Variants in RCSD1 observed in about 807,000 individuals in gnomAD.
The protein encoded by RCSD1 is RCSD domain containing 1, also known as capZ-interacting protein.
Under a neutral mutation model 42.5 loss-of-function variants are expected in RCSD1, and 26 were observed. The ratio of observed to expected loss-of-function variants is 0.61; its 90% CI spans 0.45 to 0.85. The LOEUF is 0.85. Among genes scored for constraint, RCSD1 ranks in the 40% least tolerant of loss-of-function variants. The pLI, the probability that RCSD1 is intolerant of heterozygous loss-of-function variation, is 0.00. For missense variants in RCSD1, 571 were observed against 528.3 expected (o/e 1.08, Z -0.79); for synonymous variants, 220 against 212.2 (o/e 1.04, Z -0.32).
At chr1:167,651,816 G>T (rs1401768402) in intron 1 of RCSD1, among the ~76,000 whole-genome samples, 7 of 152,114 alleles carry the variant, frequency 4.6e-5, no homozygotes, top group Non-Finnish European at 1.0e-4. Flanking sequence ...GGTGGGATGA[G>T]CCTCTGATAG....
intron 1 of RCSD1, among the ~76,000 whole-genome samples, chr1:167,646,872 G>A (rs1658162050): frequency 6.6e-6 from 1 of 152,218 alleles, no homozygotes. Flanking sequence ...GCTCATGCCT[G>A]TAATCCCAGC....
chr1:167,643,510 A>G (rs1450174353), intron 1 of RCSD1, among the ~76,000 whole-genome samples: 3 of 152,264 alleles, frequency 2.0e-5, no homozygotes, highest in Non-Finnish European at 1.5e-5. Flanking sequence ...TCCCCATCAT[A>G]GGTTCTAACA....
chr1:167,655,252 C>G (rs904311917), intron 1 of RCSD1, among the ~76,000 whole-genome samples: 1 of 152,180 alleles, frequency 6.6e-6, no homozygotes. Context: ...CTGGTCCAGG[C>G]CCATCTCTGC....
chr1:167,677,177 GTATTCTCCTCACCC>G (rs1375712949), intron 1 of RCSD1, among the ~76,000 whole-genome samples: 18 of 151,978 alleles, frequency 1.2e-4, no homozygotes, highest in Non-Finnish European at 2.1e-4. Context: ...TTACCTCTCT[GTATTCTCCTCACCC>G]CTGAAAAAGG....
At chr1:167,640,911 T>C (rs1204836283) in intron 1 of RCSD1, among the ~76,000 whole-genome samples, 1 of 152,090 alleles carries the variant, frequency 6.6e-6, no homozygotes, top group Non-Finnish European at 1.5e-5. Context: ...CAACCTGCTA[T>C]CCATATAAAG....
Position 167,685,515 on chromosome 1 carries a change from G to A in RCSD1, c.198+5G>A. On this transcript the variant is annotated splice_donor_5th_base_variant and intron_variant, in intron 3 of 6. Coordinates refer to ENST00000367854, the MANE Select transcript of RCSD1 (RefSeq NM_052862.4). ...CTGGGCCAGAATGGTGAGGAGGTAA[G>A]TGCTGCTGTTGGGGCTCAGAGGATG... 6.2e-7 allele frequency: 1 copy of A among 1,612,616 alleles called. No individual in the cohort carries two copies. Among genetic ancestry groups the A allele is most frequent in the Non-Finnish European group, 8.5e-7 (1 of 1,178,898 alleles).
intron 1 of RCSD1, among the ~76,000 whole-genome samples, chr1:167,650,485 G>C (rs1351876511): frequency 6.6e-6 from 1 of 152,206 alleles, no homozygotes; most frequent in Non-Finnish European, 1.5e-5. Flanking sequence ...CCACCAGCCA[G>C]GGGGTAGGCA....
At chr1:167,659,680 G>C (rs1485688560) in intron 1 of RCSD1, among the ~76,000 whole-genome samples, 1 of 152,104 alleles carries the variant, frequency 6.6e-6, no homozygotes, top group Non-Finnish European at 1.5e-5. Flanking sequence ...TACCAGTCTG[G>C]AATTTTTCTA....
At chr1:167,653,515 C>T (rs1359462160) in intron 1 of RCSD1, among the ~76,000 whole-genome samples, 3 of 152,176 alleles carry the variant, frequency 2.0e-5, no homozygotes, top group Non-Finnish European at 2.9e-5. Context: ...TTACTTGATC[C>T]GGAAGACAGA....
intron 1 of RCSD1, among the ~76,000 whole-genome samples, chr1:167,667,583 T>C (rs1479952120): frequency 6.6e-6 from 1 of 152,226 alleles, no homozygotes; most frequent in Non-Finnish European, 1.5e-5. Flanking sequence ...TGGATAGAGA[T>C]ATGGAATTAT....
chr1:167,662,543 A>G (rs750685772), intron 1 of RCSD1, among the ~76,000 whole-genome samples: 3 of 152,042 alleles, frequency 2.0e-5, no homozygotes, highest in Non-Finnish European at 2.9e-5. Flanking sequence ...ACTTTCCTCT[A>G]TAATTGCTTG....
At chr1:167,647,529 TG>T in intron 1 of RCSD1, among the ~76,000 whole-genome samples, 1 of 152,238 alleles carries the variant, frequency 6.6e-6, no homozygotes, top group South Asian at 2.1e-4. Context: ...AAGACCAGCC[TG>T]GGCAACATAG....
chr1:167,634,811 A>G (rs561629855), intron 1 of RCSD1, among the ~76,000 whole-genome samples: 1 of 152,290 alleles, frequency 6.6e-6, no homozygotes, highest in East Asian at 1.9e-4. Context: ...ATTATTTGTC[A>G]TTCATGGACC....
At chr1:167,685,301 C>T in intron 2 of RCSD1, 120 bp from the exon 3 acceptor site, 1 of 679,870 alleles carries the variant, frequency 1.5e-6, no homozygotes, top group South Asian at 2.1e-5. Flanking sequence ...CCCTAACATC[C>T]TAACATTCCT....
chr1:167,645,671 G>A (rs1399807438), intron 1 of RCSD1, among the ~76,000 whole-genome samples: 3 of 152,214 alleles, frequency 2.0e-5, no homozygotes, highest in Non-Finnish European at 4.4e-5. Context: ...CTAGTGTGAT[G>A]AGAAGAAATG....
In RCSD1 at chr1:167,680,621, T is replaced by C. The variant is rs375368427; in HGVS notation, c.7-3279T>C. 7.2e-5 allele frequency among the ~76,000 whole-genome samples: 11 copies of C among 152,030 alleles called. No homozygotes were observed. In the East Asian group the frequency reaches 1.7e-3, roughly 24 times the overall value. On this transcript the variant is annotated intron_variant, in intron 1 of 6. Coordinates refer to ENST00000367854, the MANE Select transcript of RCSD1 (RefSeq NM_052862.4). ...TCAGCCTCCTGAGTAGCTGGGACCATAGGCACACGCCACCACACTAGGCTA... is the reference window on the plus strand; with the variant it reads ...TCAGCCTCCTGAGTAGCTGGGACCACAGGCACACGCCACCACACTAGGCTA...
chr1:167,651,914 C>T (rs1484507521), intron 1 of RCSD1, among the ~76,000 whole-genome samples: 4 of 152,072 alleles, frequency 2.6e-5, no homozygotes, highest in Admixed American at 6.6e-5. Flanking sequence ...TTTTTTCTCA[C>T]CCAAACAGTT....
At chr1:167,684,703 C>T (rs1278867466) in intron 2 of RCSD1, among the ~76,000 whole-genome samples, 1 of 152,052 alleles carries the variant, frequency 6.6e-6, no homozygotes, top group African/African-American at 2.4e-5. Context: ...GGAGAAACCC[C>T]GTCTCCACTA....
chr1:167,649,837 AG>A (rs1170973094), intron 1 of RCSD1, among the ~76,000 whole-genome samples: 1 of 152,178 alleles, frequency 6.6e-6, no homozygotes, highest in Non-Finnish European at 1.5e-5. Context: ...GCCTGGGTGT[AG>A]GCATAACATT....
Sources: allele counts gnomAD v4.1 joint callset (sites outside exome capture counted in the v4.1 genomes callset), GRCh38; gene constraint gnomAD v4.1.1; transcripts MANE v1.5; gene names NCBI Gene and HGNC (gene_info 2026-07-23, HGNC 2026-07-21).